DKC1: variants seen among roughly 807,000 people sequenced by gnomAD.
The protein encoded by DKC1 is dyskerin pseudouridine synthase 1, also known as H/ACA ribonucleoprotein complex subunit DKC1.
In DKC1, 4 loss-of-function variants were observed where a neutral mutation model predicts 46.7. The ratio of observed to expected loss-of-function variants is 0.09; its 90% CI spans 0.04 to 0.20. The LOEUF (loss-of-function observed/expected upper bound fraction) is 0.20, where lower values mean the gene tolerates loss of function less well. Among genes scored for constraint, DKC1 ranks in the 10% least tolerant of loss-of-function variants. The pLI is 1.00. For missense variants in DKC1, 171 were observed against 404.2 expected (o/e 0.42, Z 4.95); for synonymous variants, 141 against 142.4 (o/e 0.99, Z 0.07).
At position 154,764,889 on chromosome X, in the gene DKC1, G is replaced by GT. The variant is rs781840691; in HGVS notation, c.17-3dup. The GT allele has an allele frequency of 1.7e-6, 2 of 1,189,066 alleles. No homozygotes were observed. The highest frequency in any genetic ancestry group is 1.8e-5 in the South Asian group (1 of 56,432). On this transcript the variant is annotated splice_polypyrimidine_tract_variant and intron_variant, in intron 1 of 14. Transcript: ENST00000369550. The stretch of plus-strand genomic sequence containing the variant: ...GGGAAAATTCCCAAATCCTGTGTTT[G>GT]TTTTTTTAGTAATTATTTTGCCAAA...
chrX:154,768,193 G>A (rs1049355350), intron 7 of DKC1, 109 bp from the exon 8 acceptor site: 38 of 967,725 alleles, frequency 3.9e-5, no homozygotes, highest in Non-Finnish European at 5.5e-5. Context: ...TTTAAGAAGT[G>A]TGTCTGTCAC....
intron 9 of DKC1, 128 bp from the exon 10 acceptor site, chrX:154,770,631 T>C (rs1037778423): frequency 7.7e-6 from 7 of 904,385 alleles, no homozygotes; most frequent in Non-Finnish European, 1.1e-5. Context: ...TTGCAGCTAG[T>C]GGGCTATAAG....
Position 154,762,872 on chromosome X carries a change from C to G in DKC1, c.-94C>G. 2 of 1,084,325 alleles carry G rather than the reference C, an allele frequency of 1.8e-6. No homozygotes were observed. Among genetic ancestry groups the G allele is most frequent in the Non-Finnish European group, 1.3e-6 (1 of 797,638 alleles). The allele number at this position is 1,084,325 out of a possible 1,213,427, so 89.4% of individuals were successfully genotyped here. On this transcript the variant is annotated 5_prime_UTR_variant, in exon 1 of 15. Coordinates refer to ENST00000369550, the MANE Select transcript of DKC1 (RefSeq NM_001363.5). ...CAGGGCAGTGCGCGGGTGGGTGGGTCCTAGCAGCGCGGCCTGACGGGACCA... is the reference window on the plus strand; with the variant it reads ...CAGGGCAGTGCGCGGGTGGGTGGGTGCTAGCAGCGCGGCCTGACGGGACCA...
chrX:154,775,379 C>T, intron 13 of DKC1, 106 bp downstream of exon 13: 1 of 803,879 alleles, frequency 1.2e-6, no homozygotes, highest in Non-Finnish European at 1.9e-6. Context: ...GCCATATACG[C>T]TAGCATCAGA....
At chrX:154,775,330 C>A in intron 13 of DKC1, 57 bp downstream of exon 13, 1 of 1,069,916 alleles carries the variant, frequency 9.3e-7, no homozygotes, top group Non-Finnish European at 1.3e-6. Context: ...TCCTAAGAGG[C>A]ACTGGCATTC....
intron 7 of DKC1, chrX:154,768,074 TCTC>T: frequency 2.5e-6 from 1 of 397,994 alleles, no homozygotes; most frequent in East Asian, 4.7e-5. Context: ...ATGGTCTTGA[TCTC>T]CTGACGTCGT....
chrX:154,768,197 C>A, intron 7 of DKC1, 105 bp from the exon 8 acceptor site: 1 of 984,868 alleles, frequency 1.0e-6, no homozygotes, highest in South Asian at 1.9e-5. Context: ...AGAAGTGTGT[C>A]TGTCACCTCT....
intron 12 of DKC1, 59 bp downstream of exon 12, chrX:154,774,764 T>A: frequency 1.0e-6 from 1 of 983,759 alleles, no homozygotes; most frequent in Non-Finnish European, 1.4e-6. Context: ...GCTGCCTTGA[T>A]GCAGGAGTAT....
At chrX:154,765,872 G>A in intron 3 of DKC1, 35 bp from the exon 4 acceptor site, 1 of 1,057,028 alleles carries the variant, frequency 9.5e-7, no homozygotes, top group South Asian at 1.9e-5. Flanking sequence ...CTCACGACAT[G>A]GTATTTTGTT....
intron 8 of DKC1, chrX:154,768,672 G>A: frequency 2.1e-6 from 1 of 477,844 alleles, no homozygotes; most frequent in East Asian, 3.8e-5. Context: ...GCCTGCTTGG[G>A]GTCTAATACT....
chrX:154,768,454 G>A (rs782565172), intron 8 of DKC1, 22 bp downstream of exon 8: 3 of 1,211,078 alleles, frequency 2.5e-6, no homozygotes, highest in South Asian at 3.5e-5. Flanking sequence ...GGGGCTAGAA[G>A]TTTTAGAGCT....
At chrX:154,765,873 GTATTT>G (rs1603429409) in intron 3 of DKC1, 29 bp from the exon 4 acceptor site, 1 of 1,062,551 alleles carries the variant, frequency 9.4e-7, no homozygotes, top group East Asian at 3.0e-5. Flanking sequence ...TCACGACATG[GTATTT>G]TGTTTTGTGT....
chrX:154,770,613 C>G, intron 9 of DKC1, 146 bp from the exon 10 acceptor site: 1 of 738,911 alleles, frequency 1.4e-6, no homozygotes. Flanking sequence ...GAGTACCACT[C>G]ATGCCCCTTG....
intron 11 of DKC1, among the ~76,000 whole-genome samples, chrX:154,773,924 C>G (rs912608872): frequency 9.3e-6 from 1 of 107,572 alleles, no homozygotes; most frequent in Non-Finnish European, 1.9e-5. Flanking sequence ...GCTGGCCGGG[C>G]GGGGGGGCTG....
intron 11 of DKC1, among the ~76,000 whole-genome samples, chrX:154,773,455 G>A (rs1223350763): frequency 9.1e-6 from 1 of 109,311 alleles, no homozygotes; most frequent in African/African-American, 3.4e-5. Flanking sequence ...GCGGCCTTCC[G>A]CAGTGTCTGT....
At chrX:154,771,803 G>A (rs1557264998) in intron 10 of DKC1, among the ~76,000 whole-genome samples, 1 of 111,762 alleles carries the variant, frequency 8.9e-6, no homozygotes, top group Admixed American at 9.5e-5. Context: ...TGGGCACTTC[G>A]GTTGCTTCCA....
intron 12 of DKC1, chrX:154,774,977 A>G: frequency 5.2e-6 from 3 of 579,989 alleles, no homozygotes; most frequent in Non-Finnish European, 9.4e-6. Context: ...TGCCCAGGCC[A>G]GTTAGGGGTG....
intron 7 of DKC1, 48 bp from the exon 8 acceptor site, chrX:154,768,254 A>ATG: frequency 8.3e-7 from 1 of 1,204,578 alleles, no homozygotes; most frequent in Non-Finnish European, 1.1e-6. Flanking sequence ...TCAACCAGTG[A>ATG]TGTATTTACA....
intron 1 of DKC1, 108 bp downstream of exon 1, chrX:154,763,089 G>C: frequency 1.0e-6 from 1 of 984,052 alleles, no homozygotes; most frequent in Admixed American, 2.6e-5. Context: ...TCCCGCCGGC[G>C]TGTCGGCCTC....
Sources: gnomAD v4.1 joint callset for allele counts (sites outside exome capture counted in the v4.1 genomes callset) on GRCh38, gnomAD v4.1.1 for gene constraint, MANE v1.5 for transcripts, NCBI Gene and HGNC (gene_info 2026-07-23, HGNC 2026-07-21) for gene names.